Variants in ZFAND3 observed in about 807,000 individuals in gnomAD.
ZFAND3 encodes AN1-type zinc finger protein 3.
Under a neutral mutation model 29.6 loss-of-function variants are expected in ZFAND3, and 10 were observed. That is an observed-to-expected ratio of 0.34 (90% CI 0.21 to 0.57). ZFAND3 has a LOEUF of 0.57. Among genes scored for constraint, ZFAND3 ranks in the 20% least tolerant of loss-of-function variants. The probability of loss-of-function intolerance (pLI) is 0.86; values close to 1 mark genes in which losing one functional copy is unlikely to be tolerated. For synonymous variants in ZFAND3, 128 were observed against 112.6 expected (o/e 1.14, Z -0.87); for missense variants, 230 against 304.5 (o/e 0.76, Z 1.82).
At chr6:38,036,783 C>T (rs910330167) in intron 2 of ZFAND3, among the ~76,000 whole-genome samples, 1 of 151,862 alleles carries the variant, frequency 6.6e-6, no homozygotes, top group South Asian at 2.1e-4. Flanking sequence ...CTTTTTCTTT[C>T]AAAAATTTTA....
chr6:38,045,657 A>T (rs1486406152), intron 2 of ZFAND3, among the ~76,000 whole-genome samples: 1 of 152,198 alleles, frequency 6.6e-6, no homozygotes, highest in Non-Finnish European at 1.5e-5. Flanking sequence ...AAATAAGATT[A>T]TGGTATTTTA....
chr6:37,988,859 G>A (rs1048519064), intron 2 of ZFAND3, among the ~76,000 whole-genome samples: 6 of 151,950 alleles, frequency 3.9e-5, no homozygotes, highest in Admixed American at 2.0e-4. Context: ...GTGCTTGTTC[G>A]CATGTTTTTT....
intron 2 of ZFAND3, among the ~76,000 whole-genome samples, chr6:37,932,435 G>C (rs1044014446): frequency 6.6e-6 from 1 of 152,148 alleles, no homozygotes; most frequent in African/African-American, 2.4e-5. Context: ...TCCCAAATCT[G>C]AAATGCTCCA....
intron 4 of ZFAND3, among the ~76,000 whole-genome samples, chr6:38,100,801 C>G (rs1765077765): frequency 6.6e-6 from 1 of 152,182 alleles, no homozygotes; most frequent in Non-Finnish European, 1.5e-5. Flanking sequence ...TAGGTACCCC[C>G]CTACCCAGCT....
chr6:38,051,411 G>A (rs1391964430), intron 2 of ZFAND3, among the ~76,000 whole-genome samples: 1 of 152,038 alleles, frequency 6.6e-6, no homozygotes, highest in Admixed American at 6.6e-5. Context: ...AGTCTTTATG[G>A]GACATTTAAA....
chr6:37,894,380 C>A (rs944869894), intron 1 of ZFAND3, among the ~76,000 whole-genome samples: 3 of 132,504 alleles, frequency 2.3e-5, no homozygotes, highest in Admixed American at 2.2e-4. Flanking sequence ...TCCTTCCTTT[C>A]CTTTCCCTTT....
chr6:38,091,888 C>T (rs924004173), intron 4 of ZFAND3, among the ~76,000 whole-genome samples: 1 of 152,052 alleles, frequency 6.6e-6, no homozygotes, highest in Admixed American at 6.5e-5. Context: ...GCTGATGCAG[C>T]GAGGGCTAAT....
chr6:37,932,963 A>G (rs1419000601), intron 2 of ZFAND3, among the ~76,000 whole-genome samples: 2 of 152,220 alleles, frequency 1.3e-5, no homozygotes, highest in Non-Finnish European at 2.9e-5. Context: ...CTGAAACAGA[A>G]TTTTATGTAC....
intron 2 of ZFAND3, among the ~76,000 whole-genome samples, chr6:38,058,979 A>C (rs1764184061): frequency 6.6e-6 from 1 of 152,244 alleles, no homozygotes; most frequent in South Asian, 2.1e-4. Context: ...ATAGAGTATG[A>C]TAGCAACACT....
intron 2 of ZFAND3, among the ~76,000 whole-genome samples, chr6:37,977,785 T>C (rs1307418136): frequency 2.8e-5 from 4 of 142,734 alleles, no homozygotes; most frequent in Non-Finnish European, 6.2e-5. Context: ...TTGTTTTTTT[T>C]TTTTTTCAAA....
intron 2 of ZFAND3, among the ~76,000 whole-genome samples, chr6:38,001,839 G>A (rs1762953138): frequency 1.3e-5 from 2 of 152,182 alleles, no homozygotes; most frequent in Non-Finnish European, 2.9e-5. Flanking sequence ...GTCCCTAGGA[G>A]TAAAAAGTAG....
intron 3 of ZFAND3, among the ~76,000 whole-genome samples, chr6:38,080,236 C>G (rs772940290): frequency 6.6e-6 from 1 of 151,716 alleles, no homozygotes; most frequent in Non-Finnish European, 1.5e-5. Flanking sequence ...AGCAAACCAC[C>G]GTGGCACGTG....
chr6:38,045,173 C>T (rs935362935), intron 2 of ZFAND3, among the ~76,000 whole-genome samples: 2 of 151,346 alleles, frequency 1.3e-5, no homozygotes, highest in Non-Finnish European at 3.0e-5. Flanking sequence ...CTGCAACCTC[C>T]GCCTCCTGGG....
intron 2 of ZFAND3, among the ~76,000 whole-genome samples, chr6:37,950,791 G>A (rs138515536): frequency 6.6e-6 from 1 of 152,268 alleles, no homozygotes; most frequent in African/African-American, 2.4e-5. Context: ...TAGTCTCAAG[G>A]TGGGTAATGT....
intron 1 of ZFAND3, among the ~76,000 whole-genome samples, chr6:37,901,644 G>A (rs1765320558): frequency 6.6e-6 from 1 of 152,110 alleles, no homozygotes; most frequent in Admixed American, 6.5e-5. Context: ...GGATGTGTTT[G>A]TCTTTCTAAT....
intron 1 of ZFAND3, among the ~76,000 whole-genome samples, chr6:37,847,705 A>G (rs1561909552): frequency 6.6e-6 from 1 of 151,696 alleles, no homozygotes; most frequent in Admixed American, 6.6e-5. Flanking sequence ...TTACATGTAA[A>G]GGATGCCTTG....
chr6:37,876,955 A>G (rs1053776029), intron 1 of ZFAND3, among the ~76,000 whole-genome samples: 2 of 152,244 alleles, frequency 1.3e-5, no homozygotes, highest in African/African-American at 2.4e-5. Flanking sequence ...GACTCTGGAA[A>G]TGCATCAATT....
In ZFAND3 at chr6:38,068,755, G is replaced by A. The variant is rs150580086; in HGVS notation, c.295+6980G>A. On this transcript the variant is annotated intron_variant, in intron 3 of 5. Transcript: ENST00000287218. ...GAAAAAGTGAGAACCATATTAACTG[G>A]CATGTTAGTGAGGATTTTTAATGAC... Among the ~76,000 whole-genome samples the A allele has an allele frequency of 3.1e-3, 469 of 152,214 alleles. 3 individuals carry two copies. Among genetic ancestry groups the A allele is most frequent in the African/African-American group, 0.011 (447 of 41,518 alleles).
intron 2 of ZFAND3, among the ~76,000 whole-genome samples, chr6:38,045,054 T>TTTA (rs1763869687): frequency 3.2e-4 from 43 of 134,784 alleles, no homozygotes; most frequent in African/African-American, 8.2e-4. Flanking sequence ...GTGGAAATTC[T>TTTA]TTTATTTATT....
Sources: gnomAD v4.1 joint callset for allele counts (sites outside exome capture counted in the v4.1 genomes callset) on GRCh38, gnomAD v4.1.1 for gene constraint, MANE v1.5 for transcripts, NCBI Gene and HGNC (gene_info 2026-07-23, HGNC 2026-07-21) for gene names.